Variants in MELTF observed in about 807,000 individuals in gnomAD.
MELTF encodes antigen p97 (melanoma associated) identified by monoclonal antibodies 133.2 and 96.5.
A neutral mutation model predicts 83.7 loss-of-function variants in MELTF; 67 were observed. That is an observed-to-expected ratio of 0.80 (90% CI 0.66 to 0.98). The LOEUF is 0.98. Among genes scored for constraint, MELTF ranks in the 50% least tolerant of loss-of-function variants. The pLI, the probability that MELTF is intolerant of heterozygous loss-of-function variation, is 0.00. For missense variants in MELTF, 1,002 were observed against 1,035.6 expected (o/e 0.97, Z 0.44); for synonymous variants, 462 against 447.6 (o/e 1.03, Z -0.41).
chr3:197,015,514 G>A lies in MELTF; in HGVS notation c.1084C>T (p.Leu362=). The A allele has an allele frequency of 6.2e-7, 1 of 1,608,188 alleles. No individual in the cohort carries two copies. The highest frequency in any genetic ancestry group is 8.5e-7 in the Non-Finnish European group (1 of 1,176,920). The change falls in exon 9 of 16, where the codon CTG becomes TTG. Residue 362 remains leucine (L), a splice_region_variant and synonymous_variant. Transcript: ENST00000296350. ...MKGLLCDPNR[L]PPYLRWCVLS... is the part of the protein sequence containing the mutation. The stretch of plus-strand genomic sequence containing the variant: ...ACACACCAGCGCAGGTAGGGGGGCA[G>A]CCCTGGGGTGGGGCAAGCAAGCGGT...
In MELTF at chr3:197,019,634, G is replaced by A. The variant is rs567354082; in HGVS notation, c.712+1770C>T. The A allele has an allele frequency of 6.8e-6, 11 of 1,611,386 alleles. 1 individual carries two copies. The highest frequency in any genetic ancestry group is 2.2e-5 in the East Asian group (1 of 44,750). Reference sequence around the variant, plus strand: ...CCCAACATATCCCTACTCTTTGCCCGTTTTCCAAATTCTCCTTTGTCAGAC... The same window carrying A: ...CCCAACATATCCCTACTCTTTGCCCATTTTCCAAATTCTCCTTTGTCAGAC... On this transcript the variant is annotated intron_variant, in intron 6 of 15. Coordinates refer to ENST00000296350, the MANE Select transcript of MELTF (RefSeq NM_005929.6).
In MELTF at chr3:197,026,707, C is replaced by G. The variant is rs749525762; in HGVS notation, c.257G>C (p.Gly86Ala). 5 of 1,613,518 alleles carry G rather than the reference C, an allele frequency of 3.1e-6. No homozygotes were observed. The highest frequency in any genetic ancestry group is 4.2e-6 in the Non-Finnish European group (5 of 1,180,026). Residue 86 changes from glycine (G) to alanine (A), a missense_variant, in exon 3 of 16, where the codon GGA (glycine) becomes GCA (alanine). By Grantham distance (60) the Gly-to-Ala change is moderately conservative (BLOSUM62 0). Transcript: ENST00000296350. ...CACCGGCTTCAGGCCGTGCTCCTTT[C>G]CCGCCTCATAGATGGCTCCTCCATC... is the stretch of plus-strand genomic sequence containing the variant. ...TLDGGAIYEA[G>A]KEHGLKPVVG...
At chr3:197,009,117 T>A in intron 11 of MELTF, 152 bp from the exon 12 acceptor site, 1 of 871,216 alleles carries the variant, frequency 1.1e-6, no homozygotes, top group East Asian at 2.6e-5. Flanking sequence ...CTGAGTGGAG[T>A]GTCTCCTGGA....
intron 6 of MELTF, chr3:197,019,141 A>T (rs980209110): frequency 1.0e-6 from 1 of 987,476 alleles, no homozygotes; most frequent in African/African-American, 1.7e-5. Context: ...GTTAATGGCC[A>T]CATGGTAGTT....
At position 197,021,388 on chromosome 3, in the gene MELTF, C is replaced by G; in HGVS notation, c.712+16G>C. 1 of 1,613,424 alleles carries G rather than the reference C, an allele frequency of 6.2e-7. No individual in the cohort carries two copies. ...GACTCCCTGCTCCTCTGGGCCCGTG[C>G]CCCTCCCCCACTCACCATCCGTGTT... On this transcript the variant is annotated intron_variant, in intron 6 of 15. Transcript: ENST00000296350.
chr3:197,006,687 T>C lies in MELTF; in HGVS notation c.1800A>G (p.Glu600=). The change falls in exon 14 of 16, where the codon GAA becomes GAG. Residue 600 remains glutamate (E), a synonymous_variant. Transcript: ENST00000296350. This position sits in a 1 kb window ranked among gnomAD's most constrained non-coding sequence, Gnocchi z 5.4. ...CTCGGGCCCCGTTGGGGCACAGCAG[T>C]TCATAGTCCTCTGACCTGAGCTCAG... The part of the protein sequence containing the change: ...WAAELRSEDY[E]LLCPNGARAE... 1 of 1,582,976 alleles carries C rather than the reference T, an allele frequency of 6.3e-7. No individual in the cohort carries two copies. Among genetic ancestry groups the C allele is most frequent in the Non-Finnish European group, 8.6e-7 (1 of 1,165,384 alleles).
chr3:197,006,583 A>G lies in MELTF; in HGVS notation c.1904T>C (p.Ile635Thr). 6.2e-7 allele frequency: 1 copy of G among 1,613,650 alleles called. No homozygotes were observed. Among genetic ancestry groups the G allele is most frequent in the Non-Finnish European group, 8.5e-7 (1 of 1,179,802 alleles). ...GTCCAGCAGTCCATACACGGTGAAG[A>G]TGTTGGTGTCGGGCCGGACCATCAC... ...HAVMVRPDTNIFTVYGLLDKA... is the reference protein window; with the variant it reads ...HAVMVRPDTNTFTVYGLLDKA... The change falls in exon 14 of 16, where the codon ATC (isoleucine) becomes ACC (threonine). Residue 635 changes from isoleucine to threonine, a missense_variant. Coordinates refer to ENST00000296350, the MANE Select transcript of MELTF (RefSeq NM_005929.6). The surrounding 1 kb of genome is among the most constrained non-coding windows in gnomAD (Gnocchi z 5.4).
In MELTF at chr3:197,021,415, T is replaced by C. The variant is rs1245563488; in HGVS notation, c.701A>G (p.Glu234Gly). 7.4e-6 allele frequency: 12 copies of C among 1,613,988 alleles called. No individual in the cohort carries two copies. Among genetic ancestry groups the C allele is most frequent in the Non-Finnish European group, 9.3e-6 (11 of 1,180,012 alleles). Residue 234 changes from glutamate to glycine, a missense_variant, in exon 6 of 16, where the codon GAG (glutamate) becomes GGG (glycine). Physicochemically the swap from Glu to Gly is moderately conservative, Grantham distance 98. Coordinates refer to ENST00000296350, the MANE Select transcript of MELTF (RefSeq NM_005929.6). The part of the protein sequence containing the change: ...VAFVKHSTVL[E>G]NTDGKTLPSW... ...CCTCCCCCACTCACCATCCGTGTTC[T>C]CCAGTACCGTGCTGTGCTTCACAAA...
intron 8 of MELTF, 122 bp from the exon 9 acceptor site, chr3:197,015,638 T>A: frequency 1.8e-6 from 2 of 1,115,000 alleles, no homozygotes; most frequent in Non-Finnish European, 2.5e-6. Flanking sequence ...ATAAGTTATT[T>A]AACCATCGGA....
chr3:197,017,603 C>T (rs865780816), intron 6 of MELTF, among the ~76,000 whole-genome samples: 20 of 152,300 alleles, frequency 1.3e-4, no homozygotes, highest in East Asian at 7.7e-4. Flanking sequence ...GCTGGCCGGG[C>T]GTGGTGGCTC....
intron 6 of MELTF, 140 bp from the exon 7 acceptor site, chr3:197,017,430 G>T: frequency 1.3e-6 from 1 of 741,348 alleles, no homozygotes; most frequent in Non-Finnish European, 2.2e-6. Flanking sequence ...GGCAGAGCTT[G>T]GTGGCCGCAC....
intron 14 of MELTF, chr3:197,004,740 A>G (rs1718916330): frequency 6.5e-6 from 1 of 154,262 alleles, no homozygotes; most frequent in Non-Finnish European, 1.4e-5. Context: ...TCTGGAGAAC[A>G]TGCATGAATG....
In MELTF at chr3:197,008,526, G is replaced by A; in HGVS notation, c.1750+131C>T. The A allele has an allele frequency of 3.9e-6, 4 of 1,014,582 alleles. No individual in the cohort carries two copies. The highest frequency in any genetic ancestry group is 5.8e-6 in the Non-Finnish European group (4 of 693,782). 62.8% of individuals were successfully genotyped at this position (1,014,582 alleles called of 1,614,324 possible). A position where few individuals can be genotyped will look rare whatever the true frequency, so the allele number is the denominator to read the frequency against. ...CCCTTGGGGCTCCCAGCTTCCCAGG[G>A]GGCACAGCCTTCTAGACTCAGCCTC... On this transcript the variant is annotated intron_variant, in intron 13 of 15. Coordinates refer to ENST00000296350, the MANE Select transcript of MELTF (RefSeq NM_005929.6). The surrounding 1 kb of genome is among the most constrained non-coding windows in gnomAD (Gnocchi z 5.4).
In MELTF at chr3:197,018,774, G is replaced by C. The variant is rs186918485; in HGVS notation, c.713-1484C>G. Among the ~76,000 whole-genome samples the C allele has an allele frequency of 2.0e-5, 3 of 152,312 alleles. No homozygotes were observed. In the East Asian group the frequency reaches 5.8e-4, roughly 29 times the overall value. On this transcript the variant is annotated intron_variant, in intron 6 of 15. Coordinates refer to ENST00000296350, the MANE Select transcript of MELTF (RefSeq NM_005929.6). ...TTTGACCGCTTTTAACCTGGTTAAG[G>C]ACATAGTTGACAGGCAATTTTGCAT...
chr3:197,004,814 T>C (rs2271823), intron 14 of MELTF: 23,920 of 152,316 alleles, frequency 0.16, 2,111 homozygotes, highest in Middle Eastern at 0.3. Flanking sequence ...CTCAGTCTTT[T>C]TGGAGGGACT....
At chr3:197,028,167 A>G in intron 1 of MELTF, 1 of 477,288 alleles carries the variant, frequency 2.1e-6, no homozygotes, top group Non-Finnish European at 3.8e-6. Flanking sequence ...TTATGGAGGA[A>G]TGGGAGGGTC....
At chr3:197,017,003 T>C in intron 7 of MELTF, 100 bp downstream of exon 7, 1 of 1,314,230 alleles carries the variant, frequency 7.6e-7, no homozygotes, top group Non-Finnish European at 1.1e-6. Flanking sequence ...CCAAGGACAG[T>C]CTCTGGGTCC....
Position 197,006,767 on chromosome 3 carries a change from C to T in MELTF, c.1751-31G>A, listed in dbSNP as rs41292041. The T allele has an allele frequency of 1.2e-3, 1,845 of 1,482,736 alleles. 2 individuals are homozygous for T. Among genetic ancestry groups the T allele is most frequent in the African/African-American group, 6.9e-3 (477 of 69,198 alleles). The allele number at this position is 1,482,736 out of a possible 1,614,324, so 91.8% of individuals were successfully genotyped here. A position where few individuals can be genotyped will look rare whatever the true frequency, so the allele number is the denominator to read the frequency against. On this transcript the variant is annotated intron_variant, in intron 13 of 15. Transcript: ENST00000296350. The surrounding 1 kb of genome is among the most constrained non-coding windows in gnomAD (Gnocchi z 5.4). ...GGGGGTAAAGCAGTGTGTGTGGGGA[C>T]GTTCCGGGAGTGGAGAGAAGTGTAA...
At chr3:197,004,592 C>A (rs2271825) in intron 14 of MELTF, 19 of 183,308 alleles carry the variant, frequency 1.0e-4, no homozygotes, top group Non-Finnish European at 5.7e-5. Flanking sequence ...CTGACCCACC[C>A]GCCCAGGGAT....
Sources: gnomAD v4.1 joint callset for allele counts (sites outside exome capture counted in the v4.1 genomes callset) on GRCh38, gnomAD v4.1.1 for gene constraint, Gnocchi (gnomAD v3.1) non-coding constraint, MANE v1.5 for transcripts, NCBI Gene and HGNC (gene_info 2026-07-23, HGNC 2026-07-21) for gene names.